The following ADAMTS6 variants were observed in gnomAD, a reference collection of about 807,000 sequenced individuals.
ADAMTS6 encodes A disintegrin and metalloproteinase with thrombospondin motifs 6.
A neutral mutation model predicts 144.3 loss-of-function variants in ADAMTS6; 23 were observed. The observed-to-expected ratio is 0.16, with a 90% confidence interval of 0.11 to 0.23. ADAMTS6 has a LOEUF of 0.23. Ranked by LOEUF, ADAMTS6 falls within the 10% of genes least tolerant of loss-of-function variation. The pLI, the probability that ADAMTS6 is intolerant of heterozygous loss-of-function variation, is 1.00. For missense variants in ADAMTS6, 999 were observed against 1,379.6 expected, an observed-to-expected ratio of 0.72 and a Z score of 4.37; for synonymous variants, 444 against 457.5, an observed-to-expected ratio of 0.97 and a Z score of 0.38.
chr5:65,374,562 A>G (rs1447491004), intron 7 of ADAMTS6, among the ~76,000 whole-genome samples: 17 of 151,772 alleles, frequency 1.1e-4, no homozygotes, highest in Non-Finnish European at 2.4e-4. Flanking sequence ...GGGATGTGAA[A>G]GACCTCTTCA....
intron 7 of ADAMTS6, among the ~76,000 whole-genome samples, chr5:65,380,723 TTG>T (rs1023974989): frequency 2.0e-4 from 31 of 152,222 alleles, no homozygotes; most frequent in African/African-American, 7.2e-4. Context: ...CACAGATTTT[TTG>T]TGTGTATTAA....
intron 9 of ADAMTS6, among the ~76,000 whole-genome samples, chr5:65,302,131 C>A (rs1196938681): frequency 4.4e-5 from 6 of 137,754 alleles, no homozygotes; most frequent in Non-Finnish European, 6.2e-5. Flanking sequence ...TATATATATG[C>A]ACATATAATA....
intron 7 of ADAMTS6, among the ~76,000 whole-genome samples, chr5:65,359,020 A>C (rs1005387178): frequency 6.6e-6 from 1 of 152,182 alleles, no homozygotes; most frequent in African/African-American, 2.4e-5. Context: ...GCAAAAGCAG[A>C]CAATAGGACA....
intron 14 of ADAMTS6, among the ~76,000 whole-genome samples, chr5:65,245,640 T>A (rs1759562987): frequency 6.6e-6 from 1 of 152,180 alleles, no homozygotes; most frequent in African/African-American, 2.4e-5. Context: ...ATGAACTACT[T>A]GGAAAACTGA....
At chr5:65,480,328 CA>C (rs1761116457) in intron 1 of ADAMTS6, among the ~76,000 whole-genome samples, 1 of 151,996 alleles carries the variant, frequency 6.6e-6, no homozygotes, top group Non-Finnish European at 1.5e-5. Context: ...CCGCCCCCAC[CA>C]TTCCACTTCG....
intron 20 of ADAMTS6, among the ~76,000 whole-genome samples, chr5:65,207,648 C>G (rs975659328): frequency 3.3e-5 from 5 of 152,202 alleles, no homozygotes; most frequent in African/African-American, 1.2e-4. Context: ...TTGCTGCATT[C>G]TGCAAAGATT....
chr5:65,221,129 C>T lies in ADAMTS6; in HGVS notation c.2272+3191G>A, dbSNP rs142115508. ...TTCCAGAAAACAGAGGAGAAAGGAA[C>T]ACTTCTAAAGCCATTTCATGAAGCC... is the stretch of plus-strand genomic sequence containing the variant. On this transcript the variant is annotated intron_variant, in intron 18 of 24. Transcript: ENST00000381055. Among the ~76,000 whole-genome samples, 628 of 152,182 alleles carry T rather than the reference C, an allele frequency of 4.1e-3. 7 individuals carry two copies. Among genetic ancestry groups the T allele is most frequent in the African/African-American group, 0.015 (610 of 41,512 alleles).
chr5:65,348,942 T>G (rs937513452), intron 7 of ADAMTS6, among the ~76,000 whole-genome samples: 1 of 151,554 alleles, frequency 6.6e-6, no homozygotes, highest in Non-Finnish European at 1.5e-5. Context: ...TTAATGTTAC[T>G]TGTAATATGA....
Position 65,151,135 on chromosome 5 carries a change from G to A in ADAMTS6, c.*701C>T, listed in dbSNP as rs1752121388. 1 of 152,658 alleles carries A rather than the reference G, an allele frequency of 6.6e-6. No individual in the cohort carries two copies. The highest frequency in any genetic ancestry group is 1.9e-4 in the East Asian group (1 of 5,204). The allele number at this position is 152,658 out of a possible 1,614,324, so 9.5% of individuals were successfully genotyped here. On this transcript the variant is annotated 3_prime_UTR_variant, in exon 25 of 25. Transcript: ENST00000381055. ...GAGTTTATAGACTTGCACAGCTGCAGTAACTGATGCACTGCTTTAAACTAT... is the reference window on the plus strand; with the variant it reads ...GAGTTTATAGACTTGCACAGCTGCAATAACTGATGCACTGCTTTAAACTAT...
intron 20 of ADAMTS6, among the ~76,000 whole-genome samples, chr5:65,206,641 A>G (rs1412039539): frequency 6.8e-6 from 1 of 147,510 alleles, no homozygotes; most frequent in African/African-American, 2.5e-5. Context: ...TGGAAGTTGC[A>G]GTGAGCCATG....
chr5:65,226,024 G>T, intron 16 of ADAMTS6, 62 bp downstream of exon 16: 1 of 1,530,116 alleles, frequency 6.5e-7, no homozygotes, highest in Non-Finnish European at 8.8e-7. Flanking sequence ...TTAAATAGGA[G>T]TTAATGAGAA....
At chr5:65,237,419 G>GAAAATAAAATAAAAT (rs59027594) in intron 15 of ADAMTS6, among the ~76,000 whole-genome samples, 40,022 of 138,682 alleles carry the variant, frequency 0.29, 5,959 homozygotes, top group Admixed American at 0.36. Flanking sequence ...AACTCCACAA[G>GAAAATAAAATAAAAT]AAAATAAAAT....
chr5:65,231,013 GATATAACTAGTAAGTAATT>G (rs911118237), intron 15 of ADAMTS6, among the ~76,000 whole-genome samples: 18 of 150,458 alleles, frequency 1.2e-4, no homozygotes, highest in Admixed American at 3.3e-4. Context: ...CAATTGACAA[GATATAACTAGTAAGTAATT>G]ATTGAAAAAT....
chr5:65,193,051 G>C (rs1490613838), intron 21 of ADAMTS6, among the ~76,000 whole-genome samples: 1 of 151,944 alleles, frequency 6.6e-6, no homozygotes, highest in Non-Finnish European at 1.5e-5. Flanking sequence ...AAACAATCGT[G>C]ATTGAAAATA....
rs567902880 is a variant in ADAMTS6, at chr5:65,150,402, G to A, written c.*1434C>T. ...AAGTCTTGCTGTCGAGTCTTTTGAT[G>A]ACCAGGATGTGAAACTTGAAGATGG... On this transcript the variant is annotated 3_prime_UTR_variant, in exon 25 of 25. Transcript: ENST00000381055. 6.5e-6 allele frequency: 1 copy of A among 152,682 alleles called. No individual in the cohort carries two copies. Among genetic ancestry groups the A allele is most frequent in the Admixed American group, 6.5e-5 (1 of 15,290 alleles). The allele number at this position is 152,682 out of a possible 1,614,324, so 9.5% of individuals were successfully genotyped here.
chr5:65,435,478 C>T (rs1757316722), intron 7 of ADAMTS6, among the ~76,000 whole-genome samples: 1 of 151,966 alleles, frequency 6.6e-6, no homozygotes, highest in African/African-American at 2.4e-5. Context: ...TCTTAAGTTA[C>T]TTAATAATAC....
intron 24 of ADAMTS6, among the ~76,000 whole-genome samples, chr5:65,158,427 G>A (rs1579911581): frequency 1.3e-5 from 2 of 152,250 alleles, no homozygotes; most frequent in East Asian, 3.9e-4. Context: ...CCAGCCCATG[G>A]CACACCATGA....
chr5:65,466,914 A>C lies in ADAMTS6; in HGVS notation c.462+3864T>G, dbSNP rs373457117. Among the ~76,000 whole-genome samples, 1,133 of 151,752 alleles carry C rather than the reference A, an allele frequency of 7.5e-3. 14 individuals are homozygous for C. The highest frequency in any genetic ancestry group is 0.024 in the African/African-American group (989 of 41,406). On this transcript the variant is annotated intron_variant, in intron 3 of 24. Coordinates refer to ENST00000381055, the MANE Select transcript of ADAMTS6 (RefSeq NM_197941.4). ...AAAATTAGCCGGGCGTAGTGGCGGG[A>C]GCCTGTAGTCCCAGCTACTCGGGAG... is the stretch of plus-strand genomic sequence containing the variant.
At chr5:65,405,096 G>T (rs1309332555) in intron 7 of ADAMTS6, among the ~76,000 whole-genome samples, 1 of 152,132 alleles carries the variant, frequency 6.6e-6, no homozygotes, top group Non-Finnish European at 1.5e-5. Context: ...TCTGTAGGCT[G>T]CCTGTTCACT....
Sources: allele counts gnomAD v4.1 joint callset (sites outside exome capture counted in the v4.1 genomes callset), GRCh38; gene constraint gnomAD v4.1.1; transcripts MANE v1.5; gene names NCBI Gene and HGNC (gene_info 2026-07-23, HGNC 2026-07-21).